Variants in LRP1B observed in about 807,000 individuals in gnomAD.
LRP1B encodes the protein low-density lipoprotein receptor-related protein 1B.
In LRP1B, 217 loss-of-function variants were observed where a neutral mutation model predicts 556.6. The ratio of observed to expected loss-of-function variants is 0.39; its 90% CI spans 0.35 to 0.44. The LOEUF (loss-of-function observed/expected upper bound fraction) is 0.44. Ranked by LOEUF, LRP1B falls within the 20% of genes least tolerant of loss-of-function variation. The pLI, the probability that LRP1B is intolerant of heterozygous loss-of-function variation, is 1.00. For synonymous variants in LRP1B, 2,047 were observed against 1,865.8 expected, an observed-to-expected ratio of 1.10 and a Z score of -2.50; for missense variants, 5,053 against 5,620.8, an observed-to-expected ratio of 0.90 and a Z score of 3.23.
Position 140,574,268 on chromosome 2 carries a change from T to A in LRP1B, c.7194+24363A>T, listed in dbSNP as rs139041733. On this transcript the variant is annotated intron_variant, in intron 43 of 90. Coordinates refer to ENST00000389484, the MANE Select transcript of LRP1B (RefSeq NM_018557.3). ...GCATTTAAAACTATTTATTAAAAATTATAGTAAAGATAAATGCTTGAAGAA... is the reference window on the plus strand; with the variant it reads ...GCATTTAAAACTATTTATTAAAAATAATAGTAAAGATAAATGCTTGAAGAA... Among the ~76,000 whole-genome samples the A allele has an allele frequency of 7.8e-3, 1,184 of 152,272 alleles. 15 individuals are homozygous for A. The highest frequency in any genetic ancestry group is 0.014 in the Non-Finnish European group (964 of 67,964).
intron 1 of LRP1B, among the ~76,000 whole-genome samples, chr2:141,958,213 T>C (rs1701312234): frequency 6.6e-6 from 1 of 152,034 alleles, no homozygotes; most frequent in South Asian, 2.1e-4. Flanking sequence ...CAGCCAAACA[T>C]TGGCATGCTG....
In LRP1B at chr2:140,702,409, A is replaced by T. The variant is rs2105429878; in HGVS notation, c.6150+18T>A. 1 of 1,612,436 alleles carries T rather than the reference A, an allele frequency of 6.2e-7. No homozygotes were observed. Among genetic ancestry groups the T allele is most frequent in the Non-Finnish European group, 8.5e-7 (1 of 1,179,306 alleles). On this transcript the variant is annotated intron_variant, in intron 38 of 90. Coordinates refer to ENST00000389484, the MANE Select transcript of LRP1B (RefSeq NM_018557.3). ...GTCAGTTAAGGCACTTTAAATACTG[A>T]AAAGAAATCCAACAGACCTCATAGT...
At chr2:140,334,176 A>G (rs1013041875) in intron 79 of LRP1B, among the ~76,000 whole-genome samples, 2 of 152,026 alleles carry the variant, frequency 1.3e-5, no homozygotes, top group East Asian at 1.9e-4. Context: ...GTATTGCTAT[A>G]AACTGTCAAA....
chr2:140,504,906 G>GA (rs1689343466), intron 53 of LRP1B, among the ~76,000 whole-genome samples: 1 of 152,108 alleles, frequency 6.6e-6, no homozygotes, highest in African/African-American at 2.4e-5. Context: ...CCACTCTGGT[G>GA]AAAAAATATG....
At chr2:141,211,211 C>T (rs947735542) in intron 6 of LRP1B, among the ~76,000 whole-genome samples, 1 of 149,656 alleles carries the variant, frequency 6.7e-6, no homozygotes, top group African/African-American at 2.4e-5. Flanking sequence ...TGGTCTCAAA[C>T]TCCTGCACTC....
chr2:141,080,803 A>G (rs1558846794), intron 7 of LRP1B, among the ~76,000 whole-genome samples: 2 of 152,214 alleles, frequency 1.3e-5, no homozygotes, highest in Non-Finnish European at 2.9e-5. Flanking sequence ...CACAGATATT[A>G]AACAGAAAAT....
At chr2:141,054,447 GT>G in intron 10 of LRP1B, among the ~76,000 whole-genome samples, 1 of 151,890 alleles carries the variant, frequency 6.6e-6, no homozygotes. Context: ...ACTAATTATT[GT>G]GCAAAATATT....
chr2:141,008,350 T>G (rs1055735107), intron 14 of LRP1B, among the ~76,000 whole-genome samples: 2 of 151,240 alleles, frequency 1.3e-5, no homozygotes, highest in East Asian at 3.9e-4. Context: ...TGTGATCGTC[T>G]AAATGACCCT....
At chr2:141,043,440 T>A (rs903766654) in intron 11 of LRP1B, among the ~76,000 whole-genome samples, 3 of 151,754 alleles carry the variant, frequency 2.0e-5, no homozygotes, top group Non-Finnish European at 4.4e-5. Context: ...ATTATCCCTA[T>A]ATGTCTATTA....
intron 71 of LRP1B, among the ~76,000 whole-genome samples, chr2:140,369,761 A>G (rs955561551): frequency 1.3e-5 from 2 of 152,084 alleles, no homozygotes; most frequent in Non-Finnish European, 1.5e-5. Flanking sequence ...AATATTAAAG[A>G]AAGTAAAATA....
chr2:141,721,658 C>A (rs1692819656), intron 2 of LRP1B, among the ~76,000 whole-genome samples: 1 of 152,044 alleles, frequency 6.6e-6, no homozygotes, highest in Admixed American at 6.6e-5. Context: ...GATTAGAGAA[C>A]TTTGTTCTTC....
chr2:141,435,196 A>C (rs7581144), intron 3 of LRP1B, among the ~76,000 whole-genome samples: 67,191 of 151,608 alleles, frequency 0.44, 15,589 homozygotes, highest in East Asian at 0.69. Flanking sequence ...TTGTTTATAT[A>C]TTTTGTTTTT....
chr2:140,454,898 T>A (rs1405543281), intron 62 of LRP1B, among the ~76,000 whole-genome samples: 1 of 152,166 alleles, frequency 6.6e-6, no homozygotes, highest in Non-Finnish European at 1.5e-5. Flanking sequence ...TAGTTGGCTA[T>A]TAAGTCATCG....
At chr2:141,044,431 A>C (rs1185448140) in intron 11 of LRP1B, among the ~76,000 whole-genome samples, 25 of 151,634 alleles carry the variant, frequency 1.6e-4, no homozygotes, top group Non-Finnish European at 3.2e-4. Context: ...GGATCTAATT[A>C]AACTAAAGAG....
At chr2:141,853,830 C>T (rs1697949614) in intron 1 of LRP1B, among the ~76,000 whole-genome samples, 1 of 151,898 alleles carries the variant, frequency 6.6e-6, no homozygotes, top group African/African-American at 2.4e-5. Context: ...AGTTTGAAAA[C>T]TATACATATA....
At chr2:140,972,651 A>C (rs1452308989) in intron 18 of LRP1B, among the ~76,000 whole-genome samples, 1 of 152,094 alleles carries the variant, frequency 6.6e-6, no homozygotes, top group South Asian at 2.1e-4. Flanking sequence ...ACTGAGAGAA[A>C]ACTTGAAAAT....
intron 3 of LRP1B, among the ~76,000 whole-genome samples, chr2:141,327,480 A>G (rs1022119982): frequency 6.6e-6 from 1 of 152,184 alleles, no homozygotes; most frequent in African/African-American, 2.4e-5. Flanking sequence ...GTAAACCTTA[A>G]TAAATTTTCC....
rs2105199491 is a variant in LRP1B, at chr2:140,601,616, C to A, written c.6823G>T (p.Ala2275Ser). The stretch of plus-strand genomic sequence containing the variant: ...AGTGTATCCCAGGCTCTGTGATAGG[C>A]AAGTCCTTCCACAGAACCCACATCT... ...VENVGSVEGLAYHRAWDTLYW... is the reference protein window; with the variant it reads ...VENVGSVEGLSYHRAWDTLYW... Residue 2275 changes from alanine (A) to serine (S), a missense_variant, in exon 42 of 91, where the codon GCC (alanine) becomes TCC (serine). Ala to Ser is a moderately conservative substitution (Grantham distance 99). This residue lies in a region of LRP1B where 3,619 missense variants were observed against 3,931.9 expected (regional missense o/e 0.92). Transcript: ENST00000389484. 6.3e-7 allele frequency: 1 copy of A among 1,594,970 alleles called. No homozygotes were observed. Among genetic ancestry groups the A allele is most frequent in the South Asian group, 1.1e-5 (1 of 87,714 alleles).
rs1461332975 is a variant in LRP1B, at chr2:141,229,264, T to A, written c.769A>T (p.Asn257Tyr). ...GTTATCTGGATACATTTGAGTTGATTTGAAGATTCTCTTGATTCAATCCAA... is the reference window on the plus strand; with the variant it reads ...GTTATCTGGATACATTTGAGTTGATATGAAGATTCTCTTGATTCAATCCAA... Reference protein sequence around the residue: ...ICWIESRESSNQLKCIQITKA... With the variant: ...ICWIESRESSYQLKCIQITKA... Residue 257 changes from asparagine to tyrosine, a missense_variant, in exon 6 of 91, where the codon AAT (asparagine) becomes TAT (tyrosine). Coordinates refer to ENST00000389484, the MANE Select transcript of LRP1B (RefSeq NM_018557.3). The A allele has an allele frequency of 1.9e-6, 3 of 1,611,738 alleles. No individual in the cohort carries two copies. The highest frequency in any genetic ancestry group is 1.7e-5 in the Admixed American group (1 of 59,952).
Sources: allele counts gnomAD v4.1 joint callset (sites outside exome capture counted in the v4.1 genomes callset), GRCh38; gene constraint gnomAD v4.1.1; regional missense constraint gnomAD v4.1.1; transcripts MANE v1.5; gene names NCBI Gene and HGNC (gene_info 2026-07-23, HGNC 2026-07-21).